Variants in RARB observed in about 807,000 individuals in gnomAD.
RARB encodes the protein HBV-activated protein.
Under a neutral mutation model 51.9 loss-of-function variants are expected in RARB, and 17 were observed. The observed-to-expected ratio is 0.33, with a 90% CI of 0.22 to 0.49. The LOEUF (loss-of-function observed/expected upper bound fraction) is 0.49. RARB is among the 20% of genes least tolerant of loss of function. The pLI is 0.99. For missense variants in RARB, 369 were observed against 550.8 expected (o/e 0.67, Z 3.30); for synonymous variants, 215 against 195.4 (o/e 1.10, Z -0.84).
chr3:25,082,087 A>T (rs538697690), intron 3 of RARB, among the ~76,000 whole-genome samples: 2 of 152,166 alleles, frequency 1.3e-5, no homozygotes, highest in East Asian at 1.9e-4. Flanking sequence ...AGCTTCCTTG[A>T]TACTAGTTTC....
rs1703080734 is a variant in RARB, at chr3:24,878,047, T to C, written c.-380+19295T>C. On this transcript the variant is annotated intron_variant, in intron 2 of 11. Transcript: ENST00000383772. ...GTACTACACGTGCAAGGTTCCAAAA[T>C]GAGAACAGTAAAGAAAGGCACAAAG... Among the ~76,000 whole-genome samples the C allele has an allele frequency of 2.6e-5, 4 of 152,156 alleles. No homozygotes were observed. In the South Asian group the frequency reaches 8.3e-4, roughly 32 times the overall value.
chr3:25,150,378 A>G (rs891335416), intron 4 of RARB, among the ~76,000 whole-genome samples: 6 of 152,156 alleles, frequency 3.9e-5, no homozygotes, highest in African/African-American at 4.8e-5. Flanking sequence ...CAGAGCCCCA[A>G]TCCTGGCTGG....
At chr3:25,162,401 C>G (rs945689015) in intron 4 of RARB, among the ~76,000 whole-genome samples, 1 of 152,122 alleles carries the variant, frequency 6.6e-6, no homozygotes, top group Non-Finnish European at 1.5e-5. Flanking sequence ...AAACCACACG[C>G]CCAGCCATTC....
chr3:25,491,611 T>C (rs915402777), intron 2 of RARB, among the ~76,000 whole-genome samples: 6 of 152,312 alleles, frequency 3.9e-5, no homozygotes, highest in African/African-American at 1.4e-4. Flanking sequence ...TGCAGGACTT[T>C]ATACAAAATG....
At chr3:24,945,083 AT>A (rs1278623508) in intron 2 of RARB, among the ~76,000 whole-genome samples, 1 of 152,210 alleles carries the variant, frequency 6.6e-6, no homozygotes, top group Admixed American at 6.5e-5. Flanking sequence ...TATAGTTTTA[AT>A]AAAACTAACA....
At position 24,997,034 on chromosome 3, in the gene RARB, G is replaced by A. The variant is rs185125817; in HGVS notation, c.-379-63091G>A. 1.5e-3 allele frequency among the ~76,000 whole-genome samples: 224 copies of A among 151,132 alleles called. 3 individuals are homozygous for A. The Middle Eastern group carries it at 0.024, about 16-fold the overall frequency. ...TGTTGTTTTTCTATCTACACGATCC[G>A]TCGAATATTGAGAGTGGGATATTGA... On this transcript the variant is annotated intron_variant, in intron 2 of 11. Transcript: ENST00000383772.
intron 2 of RARB, among the ~76,000 whole-genome samples, chr3:24,873,674 T>TC (rs1702989177): frequency 6.6e-6 from 1 of 151,904 alleles, no homozygotes; most frequent in Non-Finnish European, 1.5e-5. Flanking sequence ...CTTTTTTTTT[T>TC]CTAGATATAC....
upstream of RARB, among the ~76,000 whole-genome samples, chr3:25,425,831 C>T (rs1165290776): frequency 3.3e-5 from 5 of 152,210 alleles, no homozygotes; most frequent in African/African-American, 1.2e-4. Context: ...CCATCCCCAT[C>T]TTCACTTCCC....
At chr3:25,073,288 T>C (rs1698807114) in intron 3 of RARB, among the ~76,000 whole-genome samples, 1 of 152,196 alleles carries the variant, frequency 6.6e-6, no homozygotes, top group South Asian at 2.1e-4. Flanking sequence ...CACACTGACC[T>C]TGCTGACATT....
chr3:25,462,503 G>C (rs533278352), intron 2 of RARB: 100 of 152,322 alleles, frequency 6.6e-4, no homozygotes, highest in African/African-American at 2.4e-3. Context: ...TAACATGTTG[G>C]AATAATGTTA....
At chr3:25,094,425 A>G (rs1009013714) in intron 3 of RARB, among the ~76,000 whole-genome samples, 1 of 152,150 alleles carries the variant, frequency 6.6e-6, no homozygotes, top group Non-Finnish European at 1.5e-5. Flanking sequence ...TTTTACAAAA[A>G]GAGGACATTG....
intron 5 of RARB, among the ~76,000 whole-genome samples, chr3:25,374,506 T>C (rs1706397971): frequency 6.6e-6 from 1 of 151,742 alleles, no homozygotes; most frequent in African/African-American, 2.4e-5. Context: ...TCATGGAGAG[T>C]ATAAGGGTGA....
At chr3:25,165,549 C>T (rs1407834471) in intron 4 of RARB, among the ~76,000 whole-genome samples, 1 of 152,138 alleles carries the variant, frequency 6.6e-6, no homozygotes, top group East Asian at 1.9e-4. Flanking sequence ...AAATCCTAGG[C>T]CAGTCATTCG....
chr3:25,234,917 A>C (rs1393402039), intron 5 of RARB, among the ~76,000 whole-genome samples: 1 of 152,116 alleles, frequency 6.6e-6, no homozygotes, highest in Non-Finnish European at 1.5e-5. Context: ...TCACCACCAC[A>C]TCAACACGAT....
intron 3 of RARB, among the ~76,000 whole-genome samples, chr3:25,063,597 G>T (rs1034982758): frequency 6.6e-6 from 1 of 151,832 alleles, no homozygotes; most frequent in African/African-American, 2.4e-5. Flanking sequence ...CTTCCAATAA[G>T]GCAAAATCTA....
chr3:25,200,174 A>G (rs945116759), intron 5 of RARB, among the ~76,000 whole-genome samples: 3 of 151,980 alleles, frequency 2.0e-5, no homozygotes, highest in African/African-American at 7.3e-5. Context: ...TGCAGTTTTG[A>G]TTTGCATTTC....
chr3:25,223,605 T>TA (rs1248180060), intron 5 of RARB, among the ~76,000 whole-genome samples: 1 of 152,224 alleles, frequency 6.6e-6, no homozygotes, highest in Non-Finnish European at 1.5e-5. Flanking sequence ...ACTAGGTGCT[T>TA]AATAAATCAT....
chr3:24,932,597 T>C, intron 2 of RARB, among the ~76,000 whole-genome samples: 1 of 152,134 alleles, frequency 6.6e-6, no homozygotes, highest in East Asian at 1.9e-4. Context: ...AAGCTGAAAG[T>C]CTTCTATATG....
intron 4 of RARB, among the ~76,000 whole-genome samples, chr3:25,161,997 C>T (rs780530365): frequency 1.3e-5 from 2 of 152,206 alleles, no homozygotes; most frequent in Non-Finnish European, 2.9e-5. Context: ...TCTGGCCTCA[C>T]ACCTTGGGCA....
Sources: gnomAD v4.1 joint callset for allele counts (sites outside exome capture counted in the v4.1 genomes callset) on GRCh38, gnomAD v4.1.1 for gene constraint, MANE v1.5 for transcripts, NCBI Gene and HGNC (gene_info 2026-07-23, HGNC 2026-07-21) for gene names.